Variants in FER observed in about 807,000 individuals in gnomAD.
The protein encoded by FER is tyrosine-protein kinase Fer.
FER carries 63 observed loss-of-function variants against 111.0 expected under a neutral mutation model. The observed-to-expected ratio is 0.57, with a 90% CI of 0.46 to 0.70. The LOEUF is 0.70. Ranked by LOEUF, FER falls within the 30% of genes least tolerant of loss-of-function variation. The probability of loss-of-function intolerance (pLI) is 0.00; values close to 1 mark genes in which losing one functional copy is unlikely to be tolerated. For missense variants in FER, 914 were observed against 954.0 expected (o/e 0.96, Z 0.55); for synonymous variants, 327 against 313.9 (o/e 1.04, Z -0.44).
At chr5:109,132,817 C>G (rs1487886017) in intron 17 of FER, among the ~76,000 whole-genome samples, 1 of 152,090 alleles carries the variant, frequency 6.6e-6, no homozygotes, top group Non-Finnish European at 1.5e-5. Context: ...TCATCTGAGC[C>G]CAAACCAACT....
chr5:109,133,874 A>G (rs1752622042), intron 17 of FER, among the ~76,000 whole-genome samples: 1 of 152,144 alleles, frequency 6.6e-6, no homozygotes, highest in African/African-American at 2.4e-5. Context: ...AATATATTTC[A>G]ACTCCAAAAT....
chr5:109,019,425 AG>A (rs1437790503), intron 13 of FER, among the ~76,000 whole-genome samples: 1 of 151,700 alleles, frequency 6.6e-6, no homozygotes, highest in African/African-American at 2.4e-5. Context: ...GTATTGTCAA[AG>A]TGTGGTCATT....
chr5:109,098,243 A>C (rs1020454604), intron 16 of FER, among the ~76,000 whole-genome samples: 8 of 151,914 alleles, frequency 5.3e-5, no homozygotes, highest in African/African-American at 1.9e-4. Context: ...GTACTATTAA[A>C]CAATATTTGG....
At chr5:108,954,502 G>T (rs1390394735) in intron 11 of FER, among the ~76,000 whole-genome samples, 1 of 151,916 alleles carries the variant, frequency 6.6e-6, no homozygotes, top group Non-Finnish European at 1.5e-5. Context: ...TGCTAATATT[G>T]TGTCTACCTT....
chr5:108,917,200 T>C (rs1752383571), intron 10 of FER, among the ~76,000 whole-genome samples: 1 of 152,182 alleles, frequency 6.6e-6, no homozygotes. Context: ...CAGAAATTAA[T>C]ACCTATGTGC....
At chr5:109,086,485 C>T (rs1054595141) in intron 16 of FER, among the ~76,000 whole-genome samples, 9 of 151,620 alleles carry the variant, frequency 5.9e-5, no homozygotes, top group Non-Finnish European at 8.9e-5. Flanking sequence ...ATCTATTAAA[C>T]AACTTTTAGC....
At chr5:109,023,100 G>T (rs532068543) in intron 13 of FER, among the ~76,000 whole-genome samples, 1 of 152,144 alleles carries the variant, frequency 6.6e-6, no homozygotes, top group Non-Finnish European at 1.5e-5. Context: ...ATAGTGACCT[G>T]TGGAAGGAAA....
chr5:108,881,890 CAG>C (rs1765716127), intron 8 of FER, among the ~76,000 whole-genome samples: 1 of 152,052 alleles, frequency 6.6e-6, no homozygotes, highest in Non-Finnish European at 1.5e-5. Context: ...AGGGCCCCAA[CAG>C]ATGAATTTTG....
At chr5:108,974,815 G>A (rs1761121688) in intron 13 of FER, among the ~76,000 whole-genome samples, 1 of 152,162 alleles carries the variant, frequency 6.6e-6, no homozygotes, top group Non-Finnish European at 1.5e-5. Context: ...AACTGGAAAA[G>A]GCAAGAAATA....
intron 10 of FER, among the ~76,000 whole-genome samples, chr5:108,903,333 G>A (rs1047961074): frequency 2.0e-5 from 3 of 152,136 alleles, no homozygotes; most frequent in African/African-American, 7.2e-5. Flanking sequence ...ATCCTATTTT[G>A]TTACATTTTC....
intron 13 of FER, among the ~76,000 whole-genome samples, chr5:108,976,408 A>G (rs1176743025): frequency 2.6e-5 from 4 of 152,108 alleles, no homozygotes; most frequent in Non-Finnish European, 5.9e-5. Flanking sequence ...TGTCTCATCA[A>G]GGTTTTCTAA....
Position 108,805,651 on chromosome 5 carries a change from G to A in FER, c.207+7262G>A, listed in dbSNP as rs528600764. Among the ~76,000 whole-genome samples, 175 of 152,152 alleles carry A rather than the reference G, an allele frequency of 1.2e-3. 1 individual carries two copies. Among genetic ancestry groups the A allele is most frequent in the Non-Finnish European group, 2.1e-3 (145 of 68,022 alleles). Reference sequence around the variant, plus strand: ...AGAGATGAGGAACTTGTTGTGAACCGGAGCACAGGTGACTCTTGTTTTGTT... The same window carrying A: ...AGAGATGAGGAACTTGTTGTGAACCAGAGCACAGGTGACTCTTGTTTTGTT... On this transcript the variant is annotated intron_variant, in intron 3 of 19. Transcript: ENST00000281092.
At chr5:108,875,912 A>G (rs1207588041) in intron 8 of FER, among the ~76,000 whole-genome samples, 1 of 152,188 alleles carries the variant, frequency 6.6e-6, no homozygotes, top group Non-Finnish European at 1.5e-5. Flanking sequence ...AGTAGTAGAT[A>G]TATTTGAATA....
At chr5:109,041,115 G>A (rs1047669253) in intron 14 of FER, among the ~76,000 whole-genome samples, 61 of 152,158 alleles carry the variant, frequency 4.0e-4, no homozygotes, top group African/African-American at 1.4e-3. Context: ...TGATTATTGA[G>A]TAGCATTAAG....
chr5:109,044,853 G>A, intron 15 of FER, 58 bp downstream of exon 15: 1 of 928,614 alleles, frequency 1.1e-6, no homozygotes, highest in Non-Finnish European at 1.6e-6. Context: ...TTATTAAAAT[G>A]TAAGTTTGAA....
intron 2 of FER, among the ~76,000 whole-genome samples, chr5:108,795,846 T>G (rs1456292639): frequency 6.6e-6 from 1 of 152,250 alleles, no homozygotes; most frequent in Non-Finnish European, 1.5e-5. Context: ...CCCATATCTT[T>G]CAGGCCAGGA....
At chr5:108,847,624 A>G (rs1339350800) in intron 5 of FER, among the ~76,000 whole-genome samples, 1 of 152,116 alleles carries the variant, frequency 6.6e-6, no homozygotes, top group East Asian at 1.9e-4. Context: ...GCCAACCATA[A>G]TTGTGGATTT....
chr5:109,096,094 C>A (rs796523006), intron 16 of FER, among the ~76,000 whole-genome samples: 38 of 142,002 alleles, frequency 2.7e-4, no homozygotes, highest in African/African-American at 8.5e-4. Flanking sequence ...AATAATCTCA[C>A]TGAGTTTATG....
chr5:109,089,188 G>A (rs994057633), intron 16 of FER, among the ~76,000 whole-genome samples: 2 of 152,152 alleles, frequency 1.3e-5, no homozygotes, highest in Non-Finnish European at 2.9e-5. Flanking sequence ...AAATGTATCA[G>A]CTTCATCACA....
Sources: allele counts gnomAD v4.1 joint callset (sites outside exome capture counted in the v4.1 genomes callset), GRCh38; gene constraint gnomAD v4.1.1; transcripts MANE v1.5; gene names NCBI Gene and HGNC (gene_info 2026-07-23, HGNC 2026-07-21).